PTPRD: variants seen among roughly 807,000 people sequenced by gnomAD.
The protein encoded by PTPRD is protein tyrosine phosphatase receptor type D.
In PTPRD, 34 loss-of-function variants were observed where a neutral mutation model predicts 214.5. That is an observed-to-expected ratio of 0.16 (90% confidence interval 0.12 to 0.21). The LOEUF (loss-of-function observed/expected upper bound fraction) is 0.21, where lower values mean the gene tolerates loss of function less well. Ranked by LOEUF, PTPRD falls within the 10% of genes least tolerant of loss-of-function variation. The pLI is 1.00. For missense variants in PTPRD, 2,545 were observed against 2,398.7 expected (o/e 1.06, Z -1.27); for synonymous variants, 1,128 against 845.7 (o/e 1.33, Z -5.79).
chr9:8,510,027 T>C (rs1432539769), intron 21 of PTPRD, among the ~76,000 whole-genome samples: 2 of 152,202 alleles, frequency 1.3e-5, no homozygotes, highest in Non-Finnish European at 2.9e-5. Context: ...CTCACATCTG[T>C]AACCCCAGCA....
chr9:8,609,085 G>A (rs941783536), intron 14 of PTPRD, among the ~76,000 whole-genome samples: 2 of 152,140 alleles, frequency 1.3e-5, no homozygotes, highest in Admixed American at 6.6e-5. Context: ...CTCACATCTT[G>A]TCTCATCTTA....
intron 42 of PTPRD, 138 bp from the exon 43 acceptor site, chr9:8,339,185 TA>T: frequency 3.5e-6 from 3 of 864,556 alleles, no homozygotes; most frequent in Non-Finnish European, 4.9e-6. Flanking sequence ...TCCAATTGCA[TA>T]TGACTCATTT....
chr9:8,998,950 G>T (rs959819691), intron 11 of PTPRD, among the ~76,000 whole-genome samples: 4 of 152,058 alleles, frequency 2.6e-5, no homozygotes, highest in African/African-American at 9.7e-5. Context: ...ACTAGAATTA[G>T]AAGTGGAGCC....
intron 5 of PTPRD, among the ~76,000 whole-genome samples, chr9:9,889,284 G>C (rs1362432061): frequency 6.6e-6 from 1 of 152,036 alleles, no homozygotes; most frequent in Non-Finnish European, 1.5e-5. Flanking sequence ...CCACAAAAAT[G>C]GTAACTCTGT....
chr9:9,970,777 G>A (rs7870952), intron 4 of PTPRD, among the ~76,000 whole-genome samples: 1 of 152,030 alleles, frequency 6.6e-6, no homozygotes, highest in African/African-American at 2.4e-5. Context: ...TGGAGTATCA[G>A]TATCACTGTT....
At chr9:8,783,894 C>T (rs1398189742) in intron 11 of PTPRD, among the ~76,000 whole-genome samples, 1 of 152,050 alleles carries the variant, frequency 6.6e-6, no homozygotes, top group Non-Finnish European at 1.5e-5. Context: ...TTTACGCTAC[C>T]CCTTCAGTGC....
chr9:9,938,159 A>T (rs1185496410), intron 5 of PTPRD, among the ~76,000 whole-genome samples: 1 of 151,946 alleles, frequency 6.6e-6, no homozygotes, highest in Non-Finnish European at 1.5e-5. Flanking sequence ...CTTAATGATA[A>T]CTCTGGTTTC....
At chr9:9,717,483 A>G (rs1050349801) in intron 7 of PTPRD, among the ~76,000 whole-genome samples, 3 of 152,206 alleles carry the variant, frequency 2.0e-5, no homozygotes, top group Non-Finnish European at 2.9e-5. Context: ...AAGCTTTTTA[A>G]TGAAGTCATC....
intron 11 of PTPRD, among the ~76,000 whole-genome samples, chr9:8,863,878 G>T (rs2098149570): frequency 6.6e-6 from 1 of 152,136 alleles, no homozygotes. Flanking sequence ...GCTGATTAGG[G>T]AGGAAAGCAA....
chr9:9,209,001 G>T (rs1450530835), intron 9 of PTPRD, among the ~76,000 whole-genome samples: 1 of 151,832 alleles, frequency 6.6e-6, no homozygotes, highest in African/African-American at 2.4e-5. Context: ...GTAGAGACAG[G>T]GTTTCACCAT....
chr9:8,446,723 G>C (rs1287895502), intron 34 of PTPRD, among the ~76,000 whole-genome samples: 4 of 152,162 alleles, frequency 2.6e-5, no homozygotes, highest in Admixed American at 6.6e-5. Context: ...ACATTTCAGA[G>C]AGTGAAATGT....
At chr9:10,562,541 T>C (rs1481178786) in intron 2 of PTPRD, among the ~76,000 whole-genome samples, 3 of 152,244 alleles carry the variant, frequency 2.0e-5, no homozygotes, top group South Asian at 2.1e-4. Context: ...AATAGAAACA[T>C]CTTGAAATCC....
At chr9:10,495,375 A>C (rs1393532318) in intron 2 of PTPRD, among the ~76,000 whole-genome samples, 1 of 151,850 alleles carries the variant, frequency 6.6e-6, no homozygotes, top group Non-Finnish European at 1.5e-5. Flanking sequence ...CTGATTTTAC[A>C]ATTGTTCTGC....
chr9:8,749,276 G>A (rs2093267736), intron 11 of PTPRD, among the ~76,000 whole-genome samples: 1 of 152,108 alleles, frequency 6.6e-6, no homozygotes, highest in African/African-American at 2.4e-5. Context: ...CCGCCTCCGG[G>A]TTCAAGCAAT....
Position 8,674,525 on chromosome 9 carries a change from C to A in PTPRD, c.65-37681G>T, listed in dbSNP as rs78741010. On this transcript the variant is annotated intron_variant, in intron 12 of 45. Coordinates refer to ENST00000381196, the MANE Select transcript of PTPRD (RefSeq NM_002839.4). ...AGCAAAAATAAGTAAAATTCCAATA[C>A]TAAGGATTATTTGATGGCTAAAAAA... 1.1e-3 allele frequency among the ~76,000 whole-genome samples: 147 copies of A among 135,522 alleles called. 4 individuals are homozygous for A. In the East Asian group the frequency reaches 0.034, roughly 31 times the overall value. The allele number at this position is 135,522 out of a possible 152,430, so 88.9% of individuals were successfully genotyped here.
At chr9:9,895,927 T>C (rs1438985932) in intron 5 of PTPRD, among the ~76,000 whole-genome samples, 2 of 152,110 alleles carry the variant, frequency 1.3e-5, no homozygotes, top group South Asian at 2.1e-4. Context: ...AAAGTCTTTC[T>C]TGAGGTTATA....
chr9:8,759,134 G>C (rs565326865), intron 11 of PTPRD, among the ~76,000 whole-genome samples: 1 of 151,966 alleles, frequency 6.6e-6, no homozygotes, highest in Non-Finnish European at 1.5e-5. Context: ...GAGGTCAAGC[G>C]ATCCTCCTGC....
chr9:8,885,792 C>G (rs1046802924), intron 11 of PTPRD, among the ~76,000 whole-genome samples: 7 of 152,004 alleles, frequency 4.6e-5, no homozygotes, highest in African/African-American at 1.7e-4. Context: ...CCACCGTGCC[C>G]GGCCTGCCTC....
intron 14 of PTPRD, among the ~76,000 whole-genome samples, chr9:8,534,149 A>G (rs956479262): frequency 1.3e-5 from 2 of 151,990 alleles, no homozygotes; most frequent in African/African-American, 4.8e-5. Flanking sequence ...TTGCTATGTG[A>G]GAAGCACACA....
Sources: allele counts gnomAD v4.1 joint callset (sites outside exome capture counted in the v4.1 genomes callset), GRCh38; gene constraint gnomAD v4.1.1; transcripts MANE v1.5; gene names NCBI Gene and HGNC (gene_info 2026-07-23, HGNC 2026-07-21).